The following AFF2 variants were observed in gnomAD, a reference collection of about 807,000 sequenced individuals.
AFF2 encodes the protein ALF transcription elongation factor 2.
A neutral mutation model predicts 76.9 loss-of-function variants in AFF2; 14 were observed. The ratio of observed to expected loss-of-function variants is 0.18; its 90% CI spans 0.12 to 0.28. The LOEUF (loss-of-function observed/expected upper bound fraction) is 0.28. Among genes scored for constraint, AFF2 ranks in the 10% least tolerant of loss-of-function variants. AFF2 has a pLI of 1.00. For synonymous variants in AFF2, 398 were observed against 366.7 expected (o/e 1.09, Z -0.98); for missense variants, 868 against 1,001.1 (o/e 0.87, Z 1.79).
chrX:148,955,558 T>C, intron 10 of AFF2, 45 bp from the exon 11 acceptor site: 1 of 1,166,668 alleles, frequency 8.6e-7, no homozygotes, highest in Non-Finnish European at 1.1e-6. Flanking sequence ...CTTGAATCCT[T>C]CCCAAGTGTA....
intron 3 of AFF2, among the ~76,000 whole-genome samples, chrX:148,773,744 A>AAGAAAGAAAGAG (rs1569555329): frequency 1.1e-5 from 1 of 87,095 alleles, no homozygotes; most frequent in Non-Finnish European, 2.4e-5. Flanking sequence ...GAAAGAAAGA[A>AAGAAAGAAAGAG]AGAGAAAGAA....
chrX:148,581,122 CAT>C (rs1225148147), intron 1 of AFF2, among the ~76,000 whole-genome samples: 12 of 35,837 alleles, frequency 3.3e-4, no homozygotes, highest in South Asian at 1.8e-3. Context: ...CGTATACACA[CAT>C]ATACGTATAC....
intron 1 of AFF2, among the ~76,000 whole-genome samples, chrX:148,618,376 T>C (rs1181941395): frequency 9.0e-6 from 1 of 111,289 alleles, no homozygotes; most frequent in African/African-American, 3.3e-5. Flanking sequence ...CTTCTTCACA[T>C]GGTGGCAGGA....
intron 3 of AFF2, among the ~76,000 whole-genome samples, chrX:148,723,912 C>CT (rs1295941138): frequency 5.2e-5 from 5 of 95,988 alleles, no homozygotes; most frequent in African/African-American, 1.5e-4. Context: ...TTCTTTTTTT[C>CT]TTTTTTCTTT....
rs185097132 is a variant in AFF2, at chrX:148,894,151, A to C, written c.1359+8166A>C. Among the ~76,000 whole-genome samples the C allele has an allele frequency of 2.5e-3, 279 of 111,894 alleles. 1 individual carries two copies. Among genetic ancestry groups the C allele is most frequent in the African/African-American group, 8.5e-3 (263 of 30,828 alleles). On this transcript the variant is annotated intron_variant, in intron 8 of 20. Coordinates refer to ENST00000370460, the MANE Select transcript of AFF2 (RefSeq NM_002025.4). ...CTAGAATATACCTAGAACAGTATGC[A>C]CATCTCAAGCAAAAGTTATATAATG...
At chrX:148,790,488 C>T (rs190911897) in intron 3 of AFF2, among the ~76,000 whole-genome samples, 1 of 111,731 alleles carries the variant, frequency 9.0e-6, no homozygotes, top group African/African-American at 3.2e-5. Flanking sequence ...TATGTATACA[C>T]CATGGAATAC....
At chrX:148,879,112 A>G (rs995078729) in intron 7 of AFF2, among the ~76,000 whole-genome samples, 1 of 112,023 alleles carries the variant, frequency 8.9e-6, no homozygotes, top group African/African-American at 3.2e-5. Context: ...CAATATAGAC[A>G]TAGATTCATA....
intron 3 of AFF2, among the ~76,000 whole-genome samples, chrX:148,733,934 G>A (rs2055255957): frequency 8.9e-6 from 1 of 112,296 alleles, no homozygotes; most frequent in Admixed American, 9.4e-5. Context: ...AGTGGCCTTG[G>A]TTCCAACAAT....
chrX:148,788,968 C>T (rs184494472), intron 3 of AFF2, among the ~76,000 whole-genome samples: 2,101 of 111,621 alleles, frequency 0.019, 20 homozygotes, highest in Middle Eastern at 0.041. Flanking sequence ...ACCAAGTTAC[C>T]GACACTCACT....
At chrX:148,710,567 C>T (rs1302409775) in intron 3 of AFF2, among the ~76,000 whole-genome samples, 1 of 111,802 alleles carries the variant, frequency 8.9e-6, no homozygotes, top group African/African-American at 3.2e-5. Flanking sequence ...AGTATGTTTG[C>T]AATATTGTGT....
intron 7 of AFF2, among the ~76,000 whole-genome samples, chrX:148,855,935 G>A (rs918429518): frequency 3.0e-4 from 34 of 111,650 alleles, no homozygotes; most frequent in Admixed American, 1.1e-3. Context: ...TGATTATTGC[G>A]GTCATGATCA....
At chrX:148,968,688 C>T (rs1293764284) in intron 15 of AFF2, among the ~76,000 whole-genome samples, 1 of 112,270 alleles carries the variant, frequency 8.9e-6, no homozygotes, top group Non-Finnish European at 1.9e-5. Flanking sequence ...CTTTTCCCTA[C>T]TTTCTGTCAT....
At chrX:148,891,175 G>T (rs972080122) in intron 8 of AFF2, among the ~76,000 whole-genome samples, 1 of 111,828 alleles carries the variant, frequency 8.9e-6, no homozygotes, top group African/African-American at 3.2e-5. Context: ...GGTTTGGCTA[G>T]GGAGTGGCCT....
intron 1 of AFF2, among the ~76,000 whole-genome samples, chrX:148,587,158 T>A (rs781871328): frequency 8.9e-6 from 1 of 111,985 alleles, no homozygotes; most frequent in South Asian, 3.7e-4. Context: ...GATTCACTGA[T>A]TCAGATAATC....
intron 1 of AFF2, among the ~76,000 whole-genome samples, chrX:148,502,210 G>A (rs987727769): frequency 1.8e-5 from 2 of 112,127 alleles, no homozygotes; most frequent in Non-Finnish European, 3.8e-5. Context: ...CTTGGTTATT[G>A]CCTTTTAAAA....
chrX:148,686,797 G>T (rs891378532), intron 3 of AFF2, among the ~76,000 whole-genome samples: 32 of 111,253 alleles, frequency 2.9e-4, no homozygotes, highest in African/African-American at 8.2e-4. Flanking sequence ...GGTCCTTTGG[G>T]TGCATGCCTG....
intron 3 of AFF2, among the ~76,000 whole-genome samples, chrX:148,733,001 G>A (rs1169061114): frequency 1.8e-5 from 2 of 111,214 alleles, no homozygotes; most frequent in African/African-American, 6.5e-5. Context: ...CTTTGGTCAA[G>A]AGGTTATTAC....
At position 148,956,335 on chromosome X, in the gene AFF2, G is replaced by T; in HGVS notation, c.2290G>T (p.Gly764Cys). 8.3e-7 allele frequency: 1 copy of T among 1,211,684 alleles called. No individual in the cohort carries two copies. Among genetic ancestry groups the T allele is most frequent in the Non-Finnish European group, 1.1e-6 (1 of 895,519 alleles). Reference sequence around the variant, plus strand: ...CCTCAGCACCTTAATGAGTAGCAGTGGCAGCAACAACAACTTATCCATCAG... The same window carrying T: ...CCTCAGCACCTTAATGAGTAGCAGTTGCAGCAACAACAACTTATCCATCAG... The part of the protein sequence containing the change: ...LTLSTLMSSS[G>C]SNNNLSISNE... Residue 764 changes from glycine (G) to cysteine (C), a missense_variant, in exon 11 of 21, where the codon GGC becomes TGC. By Grantham distance (159) the Gly-to-Cys change is radical (BLOSUM62 -3). Coordinates refer to ENST00000370460, the MANE Select transcript of AFF2 (RefSeq NM_002025.4).
chrX:148,859,733 A>T (rs781923715), intron 7 of AFF2, among the ~76,000 whole-genome samples: 25 of 112,009 alleles, frequency 2.2e-4, no homozygotes, highest in African/African-American at 8.1e-4. Context: ...ATTAAAAATT[A>T]AAAACACTAT....
Sources: allele counts gnomAD v4.1 joint callset (sites outside exome capture counted in the v4.1 genomes callset), GRCh38; gene constraint gnomAD v4.1.1; transcripts MANE v1.5; gene names NCBI Gene and HGNC (gene_info 2026-07-23, HGNC 2026-07-21).